The following SIN3B variants were observed in gnomAD, a reference collection of about 807,000 sequenced individuals.
SIN3B encodes paired amphipathic helix protein Sin3b.
Under a neutral mutation model 120.2 loss-of-function variants are expected in SIN3B, and 19 were observed. That is an observed-to-expected ratio of 0.16 (90% CI 0.11 to 0.23). The LOEUF (loss-of-function observed/expected upper bound fraction) is 0.23, where lower values mean the gene tolerates loss of function less well. SIN3B is among the 10% of genes least tolerant of loss of function. The probability of loss-of-function intolerance (pLI) is 1.00; values close to 1 mark genes in which losing one functional copy is unlikely to be tolerated. For missense variants in SIN3B, 1,073 were observed against 1,573.0 expected (o/e 0.68, Z 5.38); for synonymous variants, 654 against 653.2 (o/e 1.00, Z -0.02).
intron 9 of SIN3B, 59 bp from the exon 10 acceptor site, chr19:16,863,621 C>T (rs2144610967): frequency 9.5e-7 from 1 of 1,057,070 alleles, no homozygotes; most frequent in Admixed American, 1.7e-5. Context: ...CACTGGCTAA[C>T]AGTAAATCTT....
chr19:16,865,230 G>C (rs1471646414), intron 10 of SIN3B, 180 bp from the exon 11 acceptor site: 4 of 582,186 alleles, frequency 6.9e-6, no homozygotes, highest in Non-Finnish European at 1.2e-5. Context: ...GGAGGTTGAG[G>C]CTGCAGTGAG....
intron 14 of SIN3B, among the ~76,000 whole-genome samples, chr19:16,875,598 CTGGTCTGGTTT>C (rs1439975003): frequency 8.1e-6 from 1 of 123,402 alleles, no homozygotes; most frequent in African/African-American, 3.2e-5. Context: ...TTGGTTTGGT[CTGGTCTGGTTT>C]TGGTCTGGTT....
Position 16,876,452 on chromosome 19 carries a change from G to A in SIN3B, c.2767-34G>A, listed in dbSNP as rs187069121. Reference sequence around the variant, plus strand: ...TGCGCTGTGCCGGCTGGGCTGTGCCGGCAGTGGAGGCTGTCAGCGTTCCTG... The same window carrying A: ...TGCGCTGTGCCGGCTGGGCTGTGCCAGCAGTGGAGGCTGTCAGCGTTCCTG... On this transcript the variant is annotated intron_variant, in intron 15 of 18. Coordinates refer to ENST00000248054, the MANE Select transcript of SIN3B (RefSeq NM_001297595.2). This position sits in a 1 kb window ranked among gnomAD's most constrained non-coding sequence, Gnocchi z 7.1. 155 of 1,602,098 alleles carry A rather than the reference G, an allele frequency of 9.7e-5. No individual in the cohort carries two copies. The highest frequency in any genetic ancestry group is 1.7e-4 in the African/African-American group (13 of 74,848).
At chr19:16,842,114 G>A (rs911424871) in intron 4 of SIN3B, 146 bp downstream of exon 4, 2 of 772,082 alleles carry the variant, frequency 2.6e-6, no homozygotes, top group Admixed American at 5.5e-5. Flanking sequence ...TTTTCTTAGA[G>A]TCTGGCTCTG....
chr19:16,840,386 A>G (rs770606733), intron 3 of SIN3B, among the ~76,000 whole-genome samples: 2 of 152,176 alleles, frequency 1.3e-5, no homozygotes, highest in Non-Finnish European at 2.9e-5. Context: ...CCACAAGCCA[A>G]GGAGAGAGTC....
At chr19:16,868,307 G>C (rs1971806593) in intron 12 of SIN3B, among the ~76,000 whole-genome samples, 1 of 152,178 alleles carries the variant, frequency 6.6e-6, no homozygotes, top group Admixed American at 6.5e-5. Context: ...CCGCCTTGCA[G>C]GGGAGGAGGA....
At chr19:16,858,433 C>G (rs529978950) in intron 8 of SIN3B, among the ~76,000 whole-genome samples, 3 of 152,170 alleles carry the variant, frequency 2.0e-5, no homozygotes, top group Non-Finnish European at 4.4e-5. Context: ...GTCACGGCCT[C>G]AGAGTGATGA....
At chr19:16,833,946 C>T (rs1599586708) in intron 3 of SIN3B, among the ~76,000 whole-genome samples, 2 of 151,942 alleles carry the variant, frequency 1.3e-5, no homozygotes, top group East Asian at 2.0e-4. Flanking sequence ...AGGCTGGTCT[C>T]GAACTCCTGA....
chr19:16,845,631 T>C (rs1971469406), intron 4 of SIN3B, among the ~76,000 whole-genome samples: 1 of 152,250 alleles, frequency 6.6e-6, no homozygotes, highest in Non-Finnish European at 1.5e-5. Flanking sequence ...TCCTAGCCTC[T>C]TCTGTCTGTG....
chr19:16,835,103 T>G (rs1301995839), intron 3 of SIN3B, among the ~76,000 whole-genome samples: 3 of 151,822 alleles, frequency 2.0e-5, no homozygotes, highest in Non-Finnish European at 4.4e-5. Flanking sequence ...ATTTTGTATT[T>G]TTAGTAGAGA....
chr19:16,865,340 G>C, intron 10 of SIN3B, 70 bp from the exon 11 acceptor site: 2 of 1,017,588 alleles, frequency 2.0e-6, no homozygotes, highest in Non-Finnish European at 3.0e-6. Context: ...GGTCTCTGAG[G>C]TCCCAGGCTC....
intron 4 of SIN3B, 73 bp downstream of exon 4, chr19:16,842,041 T>A (rs1971424690): frequency 8.1e-7 from 1 of 1,236,022 alleles, no homozygotes; most frequent in Admixed American, 2.0e-5. Context: ...ATATTCAGAT[T>A]TTCTTGTCGG....
intron 14 of SIN3B, among the ~76,000 whole-genome samples, chr19:16,875,519 TTGGTC>T (rs1350439463): frequency 6.9e-6 from 1 of 145,664 alleles, no homozygotes; most frequent in African/African-American, 2.6e-5. Flanking sequence ...TCTGGTCTGT[TTGGTC>T]TGGTCTGGTC....
intron 8 of SIN3B, among the ~76,000 whole-genome samples, chr19:16,858,483 T>G (rs1971645680): frequency 6.6e-6 from 1 of 152,158 alleles, no homozygotes. Context: ...CCAATTAGGT[T>G]GTTTCCTTTG....
chr19:16,847,405 C>T (rs539193270), intron 5 of SIN3B, among the ~76,000 whole-genome samples: 5 of 152,354 alleles, frequency 3.3e-5, no homozygotes, highest in Non-Finnish European at 5.9e-5. Context: ...CCAGGGGTTC[C>T]ACCTCCTGTG....
At chr19:16,857,973 T>G (rs1971639184) in intron 8 of SIN3B, among the ~76,000 whole-genome samples, 1 of 152,098 alleles carries the variant, frequency 6.6e-6, no homozygotes, top group Non-Finnish European at 1.5e-5. Context: ...GTCTCCCAGG[T>G]TCAAGTGATT....
intron 10 of SIN3B, among the ~76,000 whole-genome samples, chr19:16,864,092 G>C (rs1971727350): frequency 6.6e-6 from 1 of 152,182 alleles, no homozygotes; most frequent in South Asian, 2.1e-4. Flanking sequence ...TCAGGAGTTT[G>C]AGACCAGCCT....
chr19:16,844,574 A>T (rs146478962), intron 4 of SIN3B, among the ~76,000 whole-genome samples: 1 of 152,304 alleles, frequency 6.6e-6, no homozygotes, highest in Non-Finnish European at 1.5e-5. Flanking sequence ...GCCCTAACAT[A>T]AGTGGGACCC....
At chr19:16,852,589 C>G (rs1971559759) in intron 6 of SIN3B, among the ~76,000 whole-genome samples, 1 of 152,204 alleles carries the variant, frequency 6.6e-6, no homozygotes, top group Non-Finnish European at 1.5e-5. Context: ...TCTGGATGGA[C>G]AGTGTTGTCC....
Sources: gnomAD v4.1 joint callset for allele counts (sites outside exome capture counted in the v4.1 genomes callset) on GRCh38, gnomAD v4.1.1 for gene constraint, Gnocchi (gnomAD v3.1) non-coding constraint, MANE v1.5 for transcripts, NCBI Gene and HGNC (gene_info 2026-07-23, HGNC 2026-07-21) for gene names.